The following SLC22A8 variants were observed in gnomAD, a reference collection of about 807,000 sequenced individuals.
SLC22A8 encodes the protein solute carrier family 22 member 8, also known as organic anion transporter 3.
SLC22A8 carries 40 observed loss-of-function variants against 48.4 expected under a neutral mutation model. The ratio of observed to expected loss-of-function variants is 0.83; its 90% CI spans 0.64 to 1.08. SLC22A8 has a LOEUF of 1.08. Among genes scored for constraint, SLC22A8 ranks in the 50% least tolerant of loss-of-function variants. The pLI is 0.00. For missense variants in SLC22A8, 606 were observed against 699.0 expected (o/e 0.87, Z 1.50); for synonymous variants, 268 against 286.3 (o/e 0.94, Z 0.65).
chr11:63,003,562 C>T (rs2086522605), intron 2 of SLC22A8, among the ~76,000 whole-genome samples: 1 of 152,128 alleles, frequency 6.6e-6, no homozygotes, highest in African/African-American at 2.4e-5. Flanking sequence ...TTGTGGCATG[C>T]TGTGTAAAGT....
intron 5 of SLC22A8, among the ~76,000 whole-genome samples, chr11:62,998,397 A>G (rs4149183): frequency 0.26 from 39,979 of 151,892 alleles, 5,860 homozygotes; most frequent in African/African-American, 0.38. Context: ...GCTTCTCTTT[A>G]AACTTTCCTT....
Position 62,993,411 on chromosome 11 carries a change from G to A in SLC22A8, c.1529+13C>T, listed in dbSNP as rs761352368. On this transcript the variant is annotated intron_variant, in intron 10 of 10. Transcript: ENST00000336232. Reference sequence around the variant, plus strand: ...AGGGAGGAGCACTGATGGGGCCAGAGGCAGTGACTGACCAGTTTTCCAGGT... The same window carrying A: ...AGGGAGGAGCACTGATGGGGCCAGAAGCAGTGACTGACCAGTTTTCCAGGT... The A allele has an allele frequency of 1.2e-6, 2 of 1,613,840 alleles. No homozygotes were observed.
In SLC22A8 at chr11:63,014,616, C is replaced by A; in HGVS notation, c.333+10G>T. The A allele has an allele frequency of 1.3e-6, 2 of 1,571,882 alleles. No individual in the cohort carries two copies. The highest frequency in any genetic ancestry group is 1.7e-6 in the Non-Finnish European group (2 of 1,152,054). ...GGGTAAGTGGAGGGAGAGGGTTTGC[C>A]CAGGCATACCTCTGTCACAATGGAG... is the stretch of plus-strand genomic sequence containing the variant. On this transcript the variant is annotated intron_variant, in intron 2 of 10. Coordinates refer to ENST00000336232, the MANE Select transcript of SLC22A8 (RefSeq NM_004254.4).
chr11:63,009,236 A>AG (rs1442100851), intron 2 of SLC22A8, among the ~76,000 whole-genome samples: 3 of 151,960 alleles, frequency 2.0e-5, no homozygotes, highest in Non-Finnish European at 4.4e-5. Flanking sequence ...GGGATGAAGG[A>AG]GGGTCAGAGG....
intron 3 of SLC22A8, among the ~76,000 whole-genome samples, 172 bp from the exon 4 acceptor site, chr11:63,000,014 G>A (rs2086472913): frequency 6.6e-6 from 1 of 152,232 alleles, no homozygotes; most frequent in African/African-American, 2.4e-5. Context: ...TTTTTGACAA[G>A]TTTGCAATTA....
intron 2 of SLC22A8, among the ~76,000 whole-genome samples, chr11:63,001,925 T>A (rs898629200): frequency 2.0e-5 from 3 of 152,084 alleles, no homozygotes; most frequent in Admixed American, 6.6e-5. Context: ...AATTAATTAA[T>A]TAAATTAATT....
chr11:62,997,138 C>T (rs1431941137), intron 5 of SLC22A8, among the ~76,000 whole-genome samples: 3 of 152,252 alleles, frequency 2.0e-5, no homozygotes, highest in African/African-American at 7.2e-5. Flanking sequence ...GAATGGCTTA[C>T]AGTTAGTGAG....
Position 62,993,433 on chromosome 11 carries a change from A to G in SLC22A8, c.1520T>C (p.Leu507Pro). The G allele has an allele frequency of 4.3e-6, 7 of 1,614,122 alleles. No homozygotes were observed. Among genetic ancestry groups the G allele is most frequent in the Non-Finnish European group, 5.1e-6 (6 of 1,179,980 alleles). ...AGAGGCAGTGACTGACCAGTTTTCCAGGTCTTCGATAGTCTCTGGCAAGGG... is the reference window on the plus strand; with the variant it reads ...AGAGGCAGTGACTGACCAGTTTTCCGGGTCTTCGATAGTCTCTGGCAAGGG... ...NQPLPETIED[L>P]ENWSLRAKKP... is the part of the protein sequence containing the mutation. Residue 507 changes from leucine (L) to proline (P), a missense_variant, in exon 10 of 11, where the codon CTG becomes CCG. Coordinates refer to ENST00000336232, the MANE Select transcript of SLC22A8 (RefSeq NM_004254.4).
At position 62,993,196 on chromosome 11, in the gene SLC22A8, G is replaced by T; in HGVS notation, c.*41C>A. 1.3e-6 allele frequency: 2 copies of T among 1,507,536 alleles called. No individual in the cohort carries two copies. Among genetic ancestry groups the T allele is most frequent in the Non-Finnish European group, 1.8e-6 (2 of 1,092,894 alleles). 93.4% of individuals were successfully genotyped at this position (1,507,536 alleles called of 1,614,324 possible). A position where few individuals can be genotyped will look rare whatever the true frequency, so the allele number is the denominator to read the frequency against. ...CTATACTCCTAAGGTGCCTGGCTAG[G>T]ATCAGTCTCTGGAGGGCAGGGAAAG... On this transcript the variant is annotated 3_prime_UTR_variant, in exon 11 of 11. Transcript: ENST00000336232.
rs773430800 is a variant in SLC22A8 at position 62,994,541 on chromosome 11, C to A, written c.1216+1G>T. ...GTTCTGGGGTAGCCCCAGTCTCTCA[C>A]CCAAGGGCACAAAGGTGAGAGCCAA... is the stretch of plus-strand genomic sequence containing the variant. On this transcript the variant is annotated splice_donor_variant, in intron 8 of 10. Transcript: ENST00000336232. LOFTEE classifies it high-confidence loss of function. 10 of 1,599,376 alleles carry A rather than the reference C, an allele frequency of 6.3e-6. No homozygotes were observed. The South Asian group carries it at 9.0e-5, about 14-fold the overall frequency.
intron 5 of SLC22A8, among the ~76,000 whole-genome samples, chr11:62,997,725 C>T (rs1025123289): frequency 1.3e-5 from 2 of 152,216 alleles, no homozygotes; most frequent in African/African-American, 4.8e-5. Flanking sequence ...AGCTTTGCAT[C>T]TTTTTGTGTA....
intron 5 of SLC22A8, among the ~76,000 whole-genome samples, chr11:62,998,522 C>T (rs141176935): frequency 6.6e-6 from 1 of 152,170 alleles, no homozygotes; most frequent in Non-Finnish European, 1.5e-5. Context: ...GTCTATTGTC[C>T]CCACTCAGTT....
At chr11:62,999,301 G>A (rs775762092) in intron 4 of SLC22A8, 1 of 543,800 alleles carries the variant, frequency 1.8e-6, no homozygotes, top group East Asian at 2.9e-5. Flanking sequence ...GGCTCAAGGC[G>A]ATAGGACTCA....
chr11:62,993,361 G>A (rs2086366739), intron 10 of SLC22A8, 25 bp from the exon 11 acceptor site: 2 of 1,613,432 alleles, frequency 1.2e-6, no homozygotes, highest in East Asian at 2.2e-5. Context: ...CTAAGGAAAA[G>A]CCCTGGGCCC....
chr11:63,006,716 T>C (rs2086560970), intron 2 of SLC22A8, among the ~76,000 whole-genome samples: 1 of 147,260 alleles, frequency 6.8e-6, no homozygotes, highest in African/African-American at 2.5e-5. Context: ...CAAGTGATTC[T>C]CCTGCATCAG....
At chr11:63,009,214 G>A (rs964697694) in intron 2 of SLC22A8, among the ~76,000 whole-genome samples, 1 of 152,004 alleles carries the variant, frequency 6.6e-6, no homozygotes, top group African/African-American at 2.4e-5. Context: ...GGGCAACTGG[G>A]GACTGGGGAT....
Position 63,014,648 on chromosome 11 carries a change from G to A in SLC22A8, c.311C>T (p.Thr104Ile), listed in dbSNP as rs2086654021. ...PCLDGWVYNSTKDSIVTEWDL... is the reference protein window; with the variant it reads ...PCLDGWVYNSIKDSIVTEWDL... ...TACCTCTGTCACAATGGAGTCCTTG[G>A]TGCTGTTGTAGACCCAGCCATCCAG... The change falls in exon 2 of 11, where the codon ACC (threonine) becomes ATC (isoleucine). Residue 104 changes from threonine (T) to isoleucine (I), a missense_variant. By Grantham distance (89) the Thr-to-Ile change is moderately conservative. Transcript: ENST00000336232. The A allele has an allele frequency of 6.2e-7, 1 of 1,601,060 alleles. No homozygotes were observed. Among genetic ancestry groups the A allele is most frequent in the Non-Finnish European group, 8.5e-7 (1 of 1,170,166 alleles).
At chr11:63,007,134 C>T (rs993119713) in intron 2 of SLC22A8, among the ~76,000 whole-genome samples, 1 of 152,128 alleles carries the variant, frequency 6.6e-6, no homozygotes, top group Non-Finnish European at 1.5e-5. Context: ...CATGCATAGG[C>T]TGTGCCACTT....
intron 8 of SLC22A8, 95 bp downstream of exon 8, chr11:62,994,447 A>C (rs2086384406): frequency 3.3e-6 from 3 of 904,892 alleles, no homozygotes; most frequent in Non-Finnish European, 5.3e-6. Context: ...GCTCAAGGTA[A>C]CACAGTGACT....
Sources: allele counts gnomAD v4.1 joint callset (sites outside exome capture counted in the v4.1 genomes callset), GRCh38; gene constraint gnomAD v4.1.1; transcripts MANE v1.5; gene names NCBI Gene and HGNC (gene_info 2026-07-23, HGNC 2026-07-21).